SLC19A1: variants seen among roughly 807,000 people sequenced by gnomAD.
SLC19A1 encodes solute carrier family 19 member 1, also known as reduced folate transporter.
A neutral mutation model predicts 35.3 loss-of-function variants in SLC19A1; 37 were observed. That is an observed-to-expected ratio of 1.05 (90% confidence interval 0.81 to 1.38). The LOEUF (loss-of-function observed/expected upper bound fraction) is 1.38, where lower values mean the gene tolerates loss of function less well. Ranked by LOEUF, SLC19A1 falls within the 40% of genes most tolerant of loss-of-function variation. The pLI, the probability that SLC19A1 is intolerant of heterozygous loss-of-function variation, is 0.00. For synonymous variants in SLC19A1, 460 were observed against 398.5 expected (o/e 1.15, Z -1.84); for missense variants, 831 against 826.9 (o/e 1.00, Z -0.06).
chr21:45,504,581 A>T (rs902800431), intron 3 of SLC19A1: 2 of 1,556,952 alleles, frequency 1.3e-6, no homozygotes, highest in Non-Finnish European at 1.7e-6. Context: ...GTGCAGGCAG[A>T]GCCCATGTCC....
chr21:45,542,912 C>G (rs1011170480), upstream of SLC19A1, among the ~76,000 whole-genome samples: 5 of 152,212 alleles, frequency 3.3e-5, no homozygotes, highest in Non-Finnish European at 7.4e-5. Flanking sequence ...GTCGGGCCCA[C>G]GCGCCCTCAG....
At chr21:45,516,893 G>A (rs550094103) in intron 5 of SLC19A1, among the ~76,000 whole-genome samples, 2 of 152,188 alleles carry the variant, frequency 1.3e-5, no homozygotes, top group Admixed American at 1.3e-4. Context: ...CATCGGCACC[G>A]GCACCCTTCC....
downstream of SLC19A1, chr21:45,509,982 G>T: frequency 6.8e-7 from 1 of 1,464,618 alleles, no homozygotes; most frequent in Non-Finnish European, 9.2e-7. Flanking sequence ...CCACACAGGT[G>T]CGGGGCCGGG....
At chr21:45,519,649 T>A (rs554183143) in intron 5 of SLC19A1, among the ~76,000 whole-genome samples, 1 of 147,868 alleles carries the variant, frequency 6.8e-6, no homozygotes, top group Non-Finnish European at 1.5e-5. Flanking sequence ...TATTACACAA[T>A]TGACAAGAGG....
rs1476585706 is a variant in SLC19A1 at position 45,517,119 on chromosome 21, A to G, written c.1294-979T>C. ...GTCTGGGGAGCTGTGCCACGCAAGG[A>G]CAGACTGTGCCACGCAGAGCTCCCT... On this transcript the variant is annotated intron_variant, in intron 5 of 5. Coordinates refer to ENST00000311124, the MANE Select transcript of SLC19A1 (RefSeq NM_194255.4). This position sits in a 1 kb window ranked among gnomAD's most constrained non-coding sequence, Gnocchi z 4.4. Among the ~76,000 whole-genome samples, 5 of 152,202 alleles carry G rather than the reference A, an allele frequency of 3.3e-5. No homozygotes were observed. The highest frequency in any genetic ancestry group is 2.1e-4 in the South Asian group (1 of 4,818).
chr21:45,508,366 A>T (rs1384662347), downstream of SLC19A1, among the ~76,000 whole-genome samples: 4 of 144,522 alleles, frequency 2.8e-5, no homozygotes, highest in Non-Finnish European at 4.5e-5. Context: ...GGGTGAGTGG[A>T]TGGGTGGATG....
In SLC19A1 at chr21:45,505,910, G is replaced by A. The variant is rs759489506; in HGVS notation, c.498-7298C>T. 95 of 1,613,096 alleles carry A rather than the reference G, an allele frequency of 5.9e-5. No homozygotes were observed. Among genetic ancestry groups the A allele is most frequent in the South Asian group, 1.3e-4 (12 of 91,088 alleles). ...GGTTCCCGAGGGCTGGCTCATCTTC[G>A]TGGCCGAGCAGGAGGAGCTCTACGT... is the stretch of plus-strand genomic sequence containing the variant. On this transcript the variant is annotated intron_variant, in intron 3 of 4. Transcript: ENST00000417954.
rs2077844393 is a variant in SLC19A1, at chr21:45,530,728, G to A, written c.1151+42C>T. On this transcript the variant is annotated intron_variant, in intron 4 of 5. Transcript: ENST00000311124. The surrounding 1 kb of genome is among the most constrained non-coding windows in gnomAD (Gnocchi z 5.3). ...CCAGCGAAGCGCGGGGCTTGATCCT[G>A]GCGCCTGCCCGCCCCCGGCTTCCCA... is the stretch of plus-strand genomic sequence containing the variant. 1 of 1,537,986 alleles carries A rather than the reference G, an allele frequency of 6.5e-7. No homozygotes were observed. Among genetic ancestry groups the A allele is most frequent in the South Asian group, 1.2e-5 (1 of 83,660 alleles).
chr21:45,542,302 C>G (rs573706155), intron 1 of SLC19A1, 66 bp downstream of exon 1: 1 of 151,854 alleles, frequency 6.6e-6, no homozygotes, highest in Non-Finnish European at 1.5e-5. Flanking sequence ...CCGCACTCAC[C>G]CCAGGGCCCC....
intron 1 of SLC19A1, among the ~76,000 whole-genome samples, chr21:45,538,593 G>A (rs1296138960): frequency 6.6e-6 from 1 of 152,208 alleles, no homozygotes; most frequent in African/African-American, 2.4e-5. Flanking sequence ...CTGGCAGGAG[G>A]GCGTGCAGGC....
intron 2 of SLC19A1, among the ~76,000 whole-genome samples, 190 bp from the exon 3 acceptor site, chr21:45,532,338 C>T (rs561393683): frequency 3.9e-5 from 6 of 152,352 alleles, no homozygotes; most frequent in Admixed American, 2.6e-4. Flanking sequence ...CTCTGGCTCC[C>T]GACCGTCCCG....
Position 45,531,626 on chromosome 21 carries a change from G to C in SLC19A1, c.712C>G (p.Leu238Val). ...ERMNPGPGGKLGHALRVACGD... is the reference protein window; with the variant it reads ...ERMNPGPGGKVGHALRVACGD... ...CAGGCCACCCGCAGGGCGTGTCCCAGCTTCCCGCCTGGGCCAGGATTCATG... is the reference window on the plus strand; with the variant it reads ...CAGGCCACCCGCAGGGCGTGTCCCACCTTCCCGCCTGGGCCAGGATTCATG... The change falls in exon 3 of 6, where the codon CTG becomes GTG. Residue 238 changes from leucine to valine, a missense_variant. Coordinates refer to ENST00000311124, the MANE Select transcript of SLC19A1 (RefSeq NM_194255.4). 1 of 1,612,202 alleles carries C rather than the reference G, an allele frequency of 6.2e-7. No individual in the cohort carries two copies. The highest frequency in any genetic ancestry group is 1.1e-5 in the South Asian group (1 of 91,062).
intron 1 of SLC19A1, among the ~76,000 whole-genome samples, chr21:45,556,841 G>A (rs2078567233): frequency 6.6e-6 from 1 of 152,218 alleles, no homozygotes; most frequent in African/African-American, 2.4e-5. Context: ...CCTGTGGCCG[G>A]GGCTTCCTGG....
chr21:45,546,284 G>A (rs1017428120), upstream of SLC19A1, among the ~76,000 whole-genome samples: 1 of 152,252 alleles, frequency 6.6e-6, no homozygotes, highest in African/African-American at 2.4e-5. Flanking sequence ...TGGCCTGCCT[G>A]GAGCCCCGGA....
chr21:45,508,442 A>AGTGGGTGAGTGGATGGGTGGATGGACAG (rs1270330878), downstream of SLC19A1, among the ~76,000 whole-genome samples: 9 of 118,860 alleles, frequency 7.6e-5, 1 homozygote, highest in South Asian at 9.0e-4. Context: ...ATGGTGGGTA[A>AGTGGGTGAGTGGATGGGTGGATGGACAG]GTGGGTGAGT....
downstream of SLC19A1, chr21:45,511,264 C>A: frequency 8.3e-7 from 1 of 1,208,246 alleles, no homozygotes; most frequent in Non-Finnish European, 1.2e-6. Flanking sequence ...TCTGAGAGCC[C>A]CAGCCAGGGA....
downstream of SLC19A1, among the ~76,000 whole-genome samples, chr21:45,508,108 C>CAGGCGGGTGAGT (rs1197148664): frequency 2.6e-5 from 3 of 116,716 alleles, no homozygotes; most frequent in Non-Finnish European, 5.3e-5. Context: ...GGATGGTGGT[C>CAGGCGGGTGAGT]AGGCGGGTGA....
At chr21:45,543,492 G>A (rs150264827), upstream of SLC19A1, among the ~76,000 whole-genome samples, 21 of 152,328 alleles carry the variant, frequency 1.4e-4, no homozygotes, top group South Asian at 1.2e-3. Flanking sequence ...TACCCCTTCC[G>A]GAGTGTAGAC....
chr21:45,530,177 A>G lies in SLC19A1; in HGVS notation c.1151+593T>C, dbSNP rs1003586705. 2.1e-5 allele frequency among the ~76,000 whole-genome samples: 3 copies of G among 144,798 alleles called. No individual in the cohort carries two copies. The highest frequency in any genetic ancestry group is 7.8e-5 in the African/African-American group (3 of 38,474). 95.0% of individuals were successfully genotyped at this position (144,798 alleles called of 152,430 possible). A position where few individuals can be genotyped will look rare whatever the true frequency, so the allele number is the denominator to read the frequency against. On this transcript the variant is annotated intron_variant, in intron 4 of 5. Coordinates refer to ENST00000311124, the MANE Select transcript of SLC19A1 (RefSeq NM_194255.4). The surrounding 1 kb of genome is among the most constrained non-coding windows in gnomAD (Gnocchi z 5.3). ...GTGTCCGTGTGTGTGTGGTGCGTCC[A>G]TGTGTAGTGGGTGTCCATGTGTGAT...
Sources: allele counts gnomAD v4.1 joint callset (sites outside exome capture counted in the v4.1 genomes callset), GRCh38; gene constraint gnomAD v4.1.1; non-coding constraint Gnocchi (gnomAD v3.1); transcripts MANE v1.5; gene names NCBI Gene and HGNC (gene_info 2026-07-23, HGNC 2026-07-21).